APBB1IP: variants seen among roughly 807,000 people sequenced by gnomAD.
APBB1IP encodes amyloid beta precursor protein binding family B member 1 interacting protein.
APBB1IP carries 27 observed loss-of-function variants against 64.9 expected under a neutral mutation model. The ratio of observed to expected loss-of-function variants is 0.42; its 90% CI spans 0.31 to 0.57. APBB1IP has a LOEUF of 0.57. APBB1IP is among the 20% of genes least tolerant of loss of function. The pLI, the probability that APBB1IP is intolerant of heterozygous loss-of-function variation, is 0.20. For synonymous variants in APBB1IP, 392 were observed against 331.0 expected, an observed-to-expected ratio of 1.18 and a Z score of -2.00; for missense variants, 812 against 845.5, an observed-to-expected ratio of 0.96 and a Z score of 0.49.
intron 14 of APBB1IP, among the ~76,000 whole-genome samples, chr10:26,565,380 G>A (rs1205915587): frequency 1.3e-5 from 2 of 152,158 alleles, no homozygotes; most frequent in Admixed American, 6.5e-5. Flanking sequence ...GAGAACCAAG[G>A]AGTGAAGTCA....
At chr10:26,486,815 C>T (rs752368827) in intron 2 of APBB1IP, among the ~76,000 whole-genome samples, 21 of 152,106 alleles carry the variant, frequency 1.4e-4, no homozygotes, top group Non-Finnish European at 1.5e-4. Flanking sequence ...AAAAGAGAAA[C>T]GATTTAAGGA....
intron 2 of APBB1IP, among the ~76,000 whole-genome samples, chr10:26,473,246 C>T (rs760357311): frequency 1.3e-5 from 2 of 152,198 alleles, no homozygotes; most frequent in Non-Finnish European, 2.9e-5. Flanking sequence ...AGTTTAACAA[C>T]TTCTCTTGAA....
intron 13 of APBB1IP, among the ~76,000 whole-genome samples, chr10:26,561,748 G>A (rs1420395151): frequency 6.6e-6 from 1 of 152,058 alleles, no homozygotes; most frequent in Non-Finnish European, 1.5e-5. Context: ...TAGCATACCA[G>A]GACTTTTGGG....
intron 14 of APBB1IP, among the ~76,000 whole-genome samples, 192 bp from the exon 15 acceptor site, chr10:26,566,769 G>A (rs1837049791): frequency 6.6e-6 from 1 of 151,868 alleles, no homozygotes; most frequent in Non-Finnish European, 1.5e-5. Flanking sequence ...TTGAGAATAA[G>A]GAATGCTACT....
chr10:26,465,515 A>T (rs1240984963), intron 2 of APBB1IP, among the ~76,000 whole-genome samples: 1 of 152,224 alleles, frequency 6.6e-6, no homozygotes, highest in African/African-American at 2.4e-5. Context: ...AATTAATAAT[A>T]AATTAATGAT....
At chr10:26,469,938 C>T (rs703003) in intron 2 of APBB1IP, among the ~76,000 whole-genome samples, 4 of 151,924 alleles carry the variant, frequency 2.6e-5, no homozygotes, top group African/African-American at 9.7e-5. Flanking sequence ...TTTATTTCAA[C>T]TCATGATCTC....
rs191145197 is a variant in APBB1IP at position 26,484,814 on chromosome 10, G to A, written c.1-7513G>A. Among the ~76,000 whole-genome samples the A allele has an allele frequency of 3.8e-3, 571 of 149,902 alleles. 2 individuals carry two copies. Among genetic ancestry groups the A allele is most frequent in the Non-Finnish European group, 6.9e-3 (466 of 68,016 alleles). ...AAAATTCAGTTTCTAGCATGAAATTGTAACACATTATTGTTATAACAAAGG... is the reference window on the plus strand; with the variant it reads ...AAAATTCAGTTTCTAGCATGAAATTATAACACATTATTGTTATAACAAAGG... On this transcript the variant is annotated intron_variant, in intron 2 of 14. Coordinates refer to ENST00000376236, the MANE Select transcript of APBB1IP (RefSeq NM_019043.4).
chr10:26,526,888 G>A (rs1274412733), intron 8 of APBB1IP, among the ~76,000 whole-genome samples: 1 of 152,184 alleles, frequency 6.6e-6, no homozygotes, highest in Non-Finnish European at 1.5e-5. Context: ...TTTCTTAACT[G>A]AAATTTGATG....
Position 26,469,811 on chromosome 10 carries a change from T to A in APBB1IP, c.1-22516T>A, listed in dbSNP as rs370282391. 1.3e-4 allele frequency among the ~76,000 whole-genome samples: 20 copies of A among 152,230 alleles called. No individual in the cohort carries two copies. The East Asian group carries it at 1.9e-3, about 15-fold the overall frequency. ...CCCCAAAGTCTATTGTTCCCATCTCTATATCCATGAGTACGTGATGTTCAG... is the reference window on the plus strand; with the variant it reads ...CCCCAAAGTCTATTGTTCCCATCTCAATATCCATGAGTACGTGATGTTCAG... On this transcript the variant is annotated intron_variant, in intron 2 of 14. Transcript: ENST00000376236.
chr10:26,457,310 A>AT (rs1835538426), intron 2 of APBB1IP, among the ~76,000 whole-genome samples: 1 of 151,838 alleles, frequency 6.6e-6, no homozygotes, highest in South Asian at 2.1e-4. Context: ...TCGCATTTGA[A>AT]TTTTTCTTTT....
At chr10:26,498,343 T>C (rs1478484970) in intron 4 of APBB1IP, among the ~76,000 whole-genome samples, 1 of 151,976 alleles carries the variant, frequency 6.6e-6, no homozygotes, top group Non-Finnish European at 1.5e-5. Context: ...ACCCCATCTC[T>C]ACTAAAAATA....
intron 2 of APBB1IP, among the ~76,000 whole-genome samples, chr10:26,455,808 C>G (rs1444892922): frequency 1.3e-5 from 2 of 151,990 alleles, no homozygotes; most frequent in Admixed American, 1.3e-4. Flanking sequence ...CTTAGGAGTG[C>G]CAAGAGAAAT....
intron 2 of APBB1IP, among the ~76,000 whole-genome samples, chr10:26,461,820 G>C (rs564093334): frequency 1.3e-5 from 2 of 151,454 alleles, no homozygotes; most frequent in African/African-American, 2.4e-5. Flanking sequence ...TATGTTTTTC[G>C]TAGTTTTTGT....
chr10:26,441,373 AAG>A (rs1253838925), intron 2 of APBB1IP, among the ~76,000 whole-genome samples: 1 of 152,172 alleles, frequency 6.6e-6, no homozygotes, highest in Non-Finnish European at 1.5e-5. Flanking sequence ...TTCTCTTGAA[AAG>A]AGAGAACTAG....
intron 11 of APBB1IP, among the ~76,000 whole-genome samples, chr10:26,543,792 G>C (rs1227952402): frequency 5.3e-5 from 8 of 152,140 alleles, no homozygotes; most frequent in Non-Finnish European, 8.8e-5. Flanking sequence ...TTTGACAAAA[G>C]ATGTGAATGA....
intron 2 of APBB1IP, among the ~76,000 whole-genome samples, chr10:26,483,747 C>G (rs549644754): frequency 1.3e-5 from 2 of 152,252 alleles, no homozygotes; most frequent in African/African-American, 4.8e-5. Flanking sequence ...GGGTCTTGCT[C>G]TTTTGCTCAG....
chr10:26,565,203 C>T (rs1002732541), intron 14 of APBB1IP, among the ~76,000 whole-genome samples: 1 of 152,218 alleles, frequency 6.6e-6, no homozygotes, highest in African/African-American at 2.4e-5. Flanking sequence ...TTTGGGAAGT[C>T]CTCAACCCCC....
intron 2 of APBB1IP, among the ~76,000 whole-genome samples, chr10:26,480,337 A>G (rs1835820250): frequency 6.6e-6 from 1 of 152,154 alleles, no homozygotes; most frequent in Non-Finnish European, 1.5e-5. Context: ...CTGGGGTGCC[A>G]GAGGAGACAT....
At chr10:26,559,417 G>A (rs975522407) in intron 11 of APBB1IP, among the ~76,000 whole-genome samples, 5 of 151,218 alleles carry the variant, frequency 3.3e-5, no homozygotes, top group Admixed American at 6.6e-5. Flanking sequence ...AAAAAACAAC[G>A]TTTTTTTCAA....
Sources: gnomAD v4.1 joint callset for allele counts (sites outside exome capture counted in the v4.1 genomes callset) on GRCh38, gnomAD v4.1.1 for gene constraint, MANE v1.5 for transcripts, NCBI Gene and HGNC (gene_info 2026-07-23, HGNC 2026-07-21) for gene names.